CDH4: variants seen among roughly 807,000 people sequenced by gnomAD.
CDH4 encodes cadherin-4.
A neutral mutation model predicts 86.0 loss-of-function variants in CDH4; 33 were observed. The ratio of observed to expected loss-of-function variants is 0.38; its 90% CI spans 0.29 to 0.51. CDH4 has a LOEUF of 0.51. Ranked by LOEUF, CDH4 falls within the 20% of genes least tolerant of loss-of-function variation. CDH4 has a pLI of 0.86. For synonymous variants in CDH4, 555 were observed against 549.4 expected, an observed-to-expected ratio of 1.01 and a Z score of -0.14; for missense variants, 1,114 against 1,307.4, an observed-to-expected ratio of 0.85 and a Z score of 2.28.
intron 2 of CDH4, among the ~76,000 whole-genome samples, chr20:61,720,879 C>T (rs1438310393): frequency 6.6e-6 from 1 of 152,158 alleles, no homozygotes; most frequent in African/African-American, 2.4e-5. Context: ...AGACAGTAAC[C>T]ATTAGCTTGG....
At chr20:61,585,446 TTG>T (rs1322571873) in intron 2 of CDH4, among the ~76,000 whole-genome samples, 1 of 152,266 alleles carries the variant, frequency 6.6e-6, no homozygotes, top group Non-Finnish European at 1.5e-5. Flanking sequence ...GTACAGATAT[TTG>T]TGTTTTATAA....
chr20:61,588,230 G>T (rs1475900695), intron 2 of CDH4, among the ~76,000 whole-genome samples: 2 of 152,298 alleles, frequency 1.3e-5, no homozygotes, highest in East Asian at 3.9e-4. Flanking sequence ...GTAGACTGGG[G>T]AAAACTCCAG....
At chr20:61,822,669 A>G (rs1343094843) in intron 4 of CDH4, among the ~76,000 whole-genome samples, 1 of 152,158 alleles carries the variant, frequency 6.6e-6, no homozygotes, top group Non-Finnish European at 1.5e-5. Context: ...TTCCCCATGG[A>G]GCATCTGCAT....
chr20:61,432,773 C>T (rs909795389), intron 2 of CDH4, among the ~76,000 whole-genome samples: 2 of 151,930 alleles, frequency 1.3e-5, no homozygotes, highest in Admixed American at 1.3e-4. Context: ...CTCAAAGTCA[C>T]CTCATGTTTT....
chr20:61,772,499 A>G (rs1164566872), intron 3 of CDH4, among the ~76,000 whole-genome samples: 2 of 152,208 alleles, frequency 1.3e-5, no homozygotes, highest in African/African-American at 4.8e-5. Flanking sequence ...CTTGTTTGGA[A>G]ACAACATTCC....
At chr20:61,565,146 T>TGC (rs1555809036) in intron 2 of CDH4, among the ~76,000 whole-genome samples, 1 of 93,256 alleles carries the variant, frequency 1.1e-5, no homozygotes, top group African/African-American at 5.1e-5. Flanking sequence ...CCTCTTGGTG[T>TGC]TGGTAGTGGT....
intron 2 of CDH4, among the ~76,000 whole-genome samples, chr20:61,492,592 T>A: frequency 6.6e-6 from 1 of 152,172 alleles, no homozygotes; most frequent in East Asian, 1.9e-4. Context: ...GTTTTCCTGA[T>A]GAAGACTCAG....
At chr20:61,472,832 C>A (rs539830936) in intron 2 of CDH4, among the ~76,000 whole-genome samples, 1 of 152,280 alleles carries the variant, frequency 6.6e-6, no homozygotes, top group South Asian at 2.1e-4. Context: ...CACAGGCCTG[C>A]TTTTTAGTCA....
At chr20:61,761,207 G>T (rs6061806) in intron 3 of CDH4, among the ~76,000 whole-genome samples, 2 of 152,146 alleles carry the variant, frequency 1.3e-5, no homozygotes, top group African/African-American at 4.8e-5. Context: ...ATCCGTACTA[G>T]GTTTGACATT....
rs1238584995 is a variant in CDH4, at chr20:61,544,961, G to T, written c.170-198602G>T. Among the ~76,000 whole-genome samples, 3 of 152,194 alleles carry T rather than the reference G, an allele frequency of 2.0e-5. No individual in the cohort carries two copies. The highest frequency in any genetic ancestry group is 7.2e-5 in the African/African-American group (3 of 41,440). On this transcript the variant is annotated intron_variant, in intron 2 of 15. Coordinates refer to ENST00000614565, the MANE Select transcript of CDH4 (RefSeq NM_001794.5). This position sits in a 1 kb window ranked among gnomAD's most constrained non-coding sequence, Gnocchi z 6.5. ...TTAGATATCCAGGTAGACAAGTAGG[G>T]TGACTAGCAAATGACCCTTGAGCAG...
chr20:61,353,684 C>CT (rs2084728897), intron 2 of CDH4, among the ~76,000 whole-genome samples: 3 of 10,034 alleles, frequency 3.0e-4, no homozygotes, highest in Non-Finnish European at 3.6e-4. Context: ...CTCCTCCTCC[C>CT]CCTCCTCCTC....
At chr20:61,616,480 GCCCTT>G (rs2145766978) in intron 2 of CDH4, among the ~76,000 whole-genome samples, 2 of 152,282 alleles carry the variant, frequency 1.3e-5, no homozygotes, top group South Asian at 4.1e-4. Flanking sequence ...GTTGGGGAAG[GCCCTT>G]TTTTCCTCCA....
rs544750512 is a variant in CDH4 at position 61,357,403 on chromosome 20, A to G, written c.169+102466A>G. Among the ~76,000 whole-genome samples, 8 of 151,698 alleles carry G rather than the reference A, an allele frequency of 5.3e-5. No individual in the cohort carries two copies. The South Asian group carries it at 1.7e-3, about 32-fold the overall frequency. On this transcript the variant is annotated intron_variant, in intron 2 of 15. Coordinates refer to ENST00000614565, the MANE Select transcript of CDH4 (RefSeq NM_001794.5). ...ACTGTTGGGAAATGCTCACCCTGCC[A>G]TGTTGCCGCCACACACACTGTTGGG...
intron 9 of CDH4, among the ~76,000 whole-genome samples, chr20:61,916,204 T>C (rs2054902125): frequency 6.7e-6 from 1 of 148,374 alleles, no homozygotes; most frequent in Non-Finnish European, 1.5e-5. Context: ...GGTTGGGGAG[T>C]GGCGGGTGGT....
chr20:61,743,706 T>A lies in CDH4; in HGVS notation c.313T>A (p.Trp105Arg). The A allele has an allele frequency of 6.2e-7, 1 of 1,611,050 alleles. No homozygotes were observed. The highest frequency in any genetic ancestry group is 2.2e-5 in the East Asian group (1 of 44,776). Residue 105 changes from tryptophan (W) to arginine (R), a missense_variant, in exon 3 of 16, where the codon TGG becomes AGG. Coordinates refer to ENST00000614565, the MANE Select transcript of CDH4 (RefSeq NM_001794.5). ...GCAGGTGGCGTTCACGGTGACTGCA[T>A]GGGACAGCCAGACAGCAGAGAAATG... is the stretch of plus-strand genomic sequence containing the variant. Reference protein sequence around the residue: ...SEQVAFTVTAWDSQTAEKWDA... With the variant: ...SEQVAFTVTARDSQTAEKWDA...
chr20:61,267,520 A>G (rs2084163644), intron 2 of CDH4, among the ~76,000 whole-genome samples: 1 of 152,166 alleles, frequency 6.6e-6, no homozygotes. Context: ...TTAGTGTAGT[A>G]ATGGGGTATT....
intron 3 of CDH4, among the ~76,000 whole-genome samples, chr20:61,771,764 C>G (rs1308254393): frequency 6.6e-6 from 1 of 152,034 alleles, no homozygotes; most frequent in Non-Finnish European, 1.5e-5. Flanking sequence ...TATAATATTC[C>G]AAGACATGAA....
At chr20:61,926,848 G>C (rs1448588946) in intron 11 of CDH4, among the ~76,000 whole-genome samples, 1 of 152,144 alleles carries the variant, frequency 6.6e-6, no homozygotes, top group Admixed American at 6.5e-5. Flanking sequence ...ACTCAAGCCT[G>C]GGCAATAGAG....
At chr20:61,567,678 T>C (rs2086310281) in intron 2 of CDH4, among the ~76,000 whole-genome samples, 1 of 152,116 alleles carries the variant, frequency 6.6e-6, no homozygotes, top group Admixed American at 6.5e-5. Context: ...AGAGGGGAAA[T>C]GAGCTGGAGG....
Sources: gnomAD v4.1 joint callset for allele counts (sites outside exome capture counted in the v4.1 genomes callset) on GRCh38, gnomAD v4.1.1 for gene constraint, Gnocchi (gnomAD v3.1) non-coding constraint, MANE v1.5 for transcripts, NCBI Gene and HGNC (gene_info 2026-07-23, HGNC 2026-07-21) for gene names.